The following LRRC7 variants were observed in gnomAD, a reference collection of about 807,000 sequenced individuals.
The protein encoded by LRRC7 is leucine-rich repeat-containing protein 7.
Under a neutral mutation model 175.7 loss-of-function variants are expected in LRRC7, and 23 were observed. That is an observed-to-expected ratio of 0.13 (90% CI 0.09 to 0.19). LRRC7 has a LOEUF of 0.19. LRRC7 is among the 10% of genes least tolerant of loss of function. LRRC7 has a pLI of 1.00. For synonymous variants in LRRC7, 685 were observed against 680.9 expected, an observed-to-expected ratio of 1.01 and a Z score of -0.09; for missense variants, 1,354 against 1,904.7, an observed-to-expected ratio of 0.71 and a Z score of 5.38.
intron 3 of LRRC7, among the ~76,000 whole-genome samples, chr1:69,781,269 ATCCT>A (rs1009784928): frequency 1.3e-5 from 2 of 151,828 alleles, no homozygotes; most frequent in Non-Finnish European, 1.5e-5. Context: ...GGCTCACTGG[ATCCT>A]TGTCTTATCC....
intron 7 of LRRC7, among the ~76,000 whole-genome samples, chr1:69,911,117 A>C (rs573951156): frequency 5.4e-4 from 82 of 152,308 alleles, no homozygotes; most frequent in African/African-American, 1.9e-3. Context: ...TTCTTTGACT[A>C]GGAAAGGGAA....
At chr1:69,804,913 G>A (rs1676937928) in intron 4 of LRRC7, among the ~76,000 whole-genome samples, 1 of 151,634 alleles carries the variant, frequency 6.6e-6, no homozygotes, top group Non-Finnish European at 1.5e-5. Flanking sequence ...GATTTAATTA[G>A]GCAGTGATTC....
At chr1:69,845,315 C>T (rs747647327) in intron 7 of LRRC7, among the ~76,000 whole-genome samples, 1 of 152,014 alleles carries the variant, frequency 6.6e-6, no homozygotes. Context: ...AGGTTCTATC[C>T]GTATGTGACT....
Position 70,129,629 on chromosome 1 carries a change from A to G in LRRC7, c.*7742A>G, listed in dbSNP as rs1666588428. Among the ~76,000 whole-genome samples, 2 of 152,188 alleles carry G rather than the reference A, an allele frequency of 1.3e-5. No individual in the cohort carries two copies. Among genetic ancestry groups the G allele is most frequent in the African/African-American group, 2.4e-5 (1 of 41,438 alleles). On this transcript the variant is annotated 3_prime_UTR_variant, in exon 27 of 27. Coordinates refer to ENST00000651989, the MANE Select transcript of LRRC7 (RefSeq NM_001370785.2). ...GGAGCGTGGGAATCCATGCTGTCCA[A>G]TGTTAGAATGACCCACTCCGAAATG...
chr1:70,003,819 C>G (rs1655750012), intron 11 of LRRC7, among the ~76,000 whole-genome samples: 1 of 151,880 alleles, frequency 6.6e-6, no homozygotes, highest in Non-Finnish European at 1.5e-5. Context: ...ATCTTTCAGT[C>G]TCCCAACTTG....
intron 26 of LRRC7, among the ~76,000 whole-genome samples, chr1:70,116,414 G>A (rs1216178589): frequency 2.0e-5 from 3 of 152,172 alleles, no homozygotes; most frequent in Non-Finnish European, 4.4e-5. Flanking sequence ...AGGCGTGGTG[G>A]CAGGCGCCTG....
rs1391933622 is a variant in LRRC7, at chr1:70,143,836, TA to T, written c.*21955del. 5 of 152,206 alleles carry T rather than the reference TA, an allele frequency of 3.3e-5. No homozygotes were observed. The highest frequency in any genetic ancestry group is 7.2e-5 in the African/African-American group (3 of 41,444). The allele number at this position is 152,206 out of a possible 1,614,324, so 9.4% of individuals were successfully genotyped here. A position where few individuals can be genotyped will look rare whatever the true frequency, so the allele number is the denominator to read the frequency against. On this transcript the variant is annotated 3_prime_UTR_variant, in exon 27 of 27. Coordinates refer to ENST00000651989, the MANE Select transcript of LRRC7 (RefSeq NM_001370785.2). ...TGTGATTTTGAGCTTAAATTATATATAAAAAATTGTCATTTTTGTATGTGTT... is the reference window on the plus strand; with the variant it reads ...TGTGATTTTGAGCTTAAATTATATATAAAAATTGTCATTTTTGTATGTGTT...
At chr1:69,753,148 A>G (rs1670022270) in intron 2 of LRRC7, among the ~76,000 whole-genome samples, 1 of 152,106 alleles carries the variant, frequency 6.6e-6, no homozygotes, top group Non-Finnish European at 1.5e-5. Flanking sequence ...TTTCTGAAAC[A>G]CTTTCTCCAT....
intron 7 of LRRC7, among the ~76,000 whole-genome samples, chr1:69,924,514 C>G (rs534162514): frequency 1.3e-5 from 2 of 152,306 alleles, no homozygotes; most frequent in South Asian, 4.1e-4. Flanking sequence ...AGTTCCTTCA[C>G]GTCCCTTGTA....
At chr1:69,700,973 C>T (rs1416276702) in intron 2 of LRRC7, among the ~76,000 whole-genome samples, 1 of 152,182 alleles carries the variant, frequency 6.6e-6, no homozygotes, top group African/African-American at 2.4e-5. Context: ...GTCCTGCGCC[C>T]CCTTGTGACT....
intron 8 of LRRC7, among the ~76,000 whole-genome samples, chr1:69,935,227 C>G (rs1647876261): frequency 6.6e-6 from 1 of 152,064 alleles, no homozygotes; most frequent in South Asian, 2.1e-4. Flanking sequence ...CACCAAACCC[C>G]TACAAAGGAC....
At chr1:69,840,073 T>G (rs1681559207) in intron 7 of LRRC7, among the ~76,000 whole-genome samples, 1 of 152,136 alleles carries the variant, frequency 6.6e-6, no homozygotes, top group African/African-American at 2.4e-5. Context: ...CATACACATA[T>G]AACTTATATA....
At chr1:69,902,242 T>G (rs1646155027) in intron 7 of LRRC7, among the ~76,000 whole-genome samples, 1 of 152,198 alleles carries the variant, frequency 6.6e-6, no homozygotes, top group Non-Finnish European at 1.5e-5. Flanking sequence ...TAAATTGATT[T>G]TAAAAATTAG....
chr1:69,881,171 C>T (rs1348777610), intron 7 of LRRC7, among the ~76,000 whole-genome samples: 1 of 152,122 alleles, frequency 6.6e-6, no homozygotes, highest in Admixed American at 6.6e-5. Context: ...ATTATAGCTC[C>T]ACTGGATAGA....
chr1:69,908,091 T>C (rs1646384255), intron 7 of LRRC7, among the ~76,000 whole-genome samples: 1 of 152,260 alleles, frequency 6.6e-6, no homozygotes, highest in Non-Finnish European at 1.5e-5. Flanking sequence ...TGTATTTCTG[T>C]GACATCAGTG....
rs1680910444 is a variant in LRRC7, at chr1:69,834,673, GA to G, written c.501-102del. 3.4e-6 allele frequency: 3 copies of G among 892,842 alleles called. No individual in the cohort carries two copies. The East Asian group carries it at 7.8e-5, about 23-fold the overall frequency. The allele number at this position is 892,842 out of a possible 1,614,324, so 55.3% of individuals were successfully genotyped here. On this transcript the variant is annotated intron_variant, in intron 5 of 26. Coordinates refer to ENST00000651989, the MANE Select transcript of LRRC7 (RefSeq NM_001370785.2). ...ATTACTGTAATACCAAAGGAGAGTT[GA>G]AAAATGTATTACATTTCTATTTTTT...
At chr1:70,116,815 T>C (rs1665894363) in intron 26 of LRRC7, among the ~76,000 whole-genome samples, 1 of 152,176 alleles carries the variant, frequency 6.6e-6, no homozygotes, top group Non-Finnish European at 1.5e-5. Context: ...CAATACTTAA[T>C]GAGAGTACTC....
chr1:69,678,225 G>T (rs996432605), intron 1 of LRRC7, among the ~76,000 whole-genome samples, 156 bp from the exon 2 acceptor site: 12 of 151,792 alleles, frequency 7.9e-5, no homozygotes, highest in Admixed American at 2.0e-4. Context: ...ATTTACTATG[G>T]TCCCCGATGC....
At chr1:69,947,213 C>T (rs1649432616) in intron 8 of LRRC7, among the ~76,000 whole-genome samples, 1 of 152,008 alleles carries the variant, frequency 6.6e-6, no homozygotes, top group Non-Finnish European at 1.5e-5. Context: ...TATTCAGTAA[C>T]ACTGTGTTGT....
Sources: gnomAD v4.1 joint callset for allele counts (sites outside exome capture counted in the v4.1 genomes callset) on GRCh38, gnomAD v4.1.1 for gene constraint, MANE v1.5 for transcripts, NCBI Gene and HGNC (gene_info 2026-07-23, HGNC 2026-07-21) for gene names.